CHD2: variants seen among roughly 807,000 people sequenced by gnomAD.
CHD2 encodes the protein chromodomain helicase DNA binding protein 2, also known as ATP-dependent chromatin remodeler CHD2.
CHD2 carries 28 observed loss-of-function variants against 243.9 expected under a neutral mutation model. The ratio of observed to expected loss-of-function variants is 0.11; its 90% CI spans 0.09 to 0.16. The LOEUF is 0.16. CHD2 is among the 10% of genes least tolerant of loss of function. The probability of loss-of-function intolerance (pLI) is 1.00; values close to 1 mark genes in which losing one functional copy is unlikely to be tolerated. For synonymous variants in CHD2, 775 were observed against 779.0 expected (o/e 0.99, Z 0.09); for missense variants, 1,386 against 2,209.8 (o/e 0.63, Z 7.47).
chr15:92,901,504 A>C, intron 2 of CHD2: 4 of 596,288 alleles, frequency 6.7e-6, no homozygotes, highest in Non-Finnish European at 1.2e-5. Flanking sequence ...TTGAGTTGTG[A>C]CTTAAGGCCT....
chr15:92,950,392 C>G (rs911192009), intron 13 of CHD2: 1 of 152,110 alleles, frequency 6.6e-6, no homozygotes, highest in African/African-American at 2.4e-5. Context: ...AACAGTGAAC[C>G]TATATAGATG....
At chr15:92,904,677 G>A in intron 2 of CHD2, 1 of 1,333,510 alleles carries the variant, frequency 7.5e-7, no homozygotes, top group South Asian at 1.7e-5. Flanking sequence ...AAAAGTGCAG[G>A]CACTATTTAT....
chr15:93,014,752 C>T lies in CHD2; in HGVS notation c.4749C>T (p.Ala1583=), dbSNP rs1183396141. 2 of 1,614,154 alleles carry T rather than the reference C, an allele frequency of 1.2e-6. No individual in the cohort carries two copies. The highest frequency in any genetic ancestry group is 3.3e-5 in the Admixed American group (2 of 60,024). Residue 1583 remains alanine, a synonymous_variant, in exon 37 of 39, where the codon GCC becomes GCT. Coordinates refer to ENST00000394196, the MANE Select transcript of CHD2 (RefSeq NM_001271.4). ...GTAAGAAACCATTTCGTCCAGAGGCCTCAGGCTCCAGCCGGGACTCTCTGA... is the reference window on the plus strand; with the variant it reads ...GTAAGAAACCATTTCGTCCAGAGGCTTCAGGCTCCAGCCGGGACTCTCTGA... ...TGGKKPFRPE[A]SGSSRDSLIS... is the part of the protein sequence containing the mutation.
At chr15:93,011,060 A>T (rs1018998793) in intron 35 of CHD2, among the ~76,000 whole-genome samples, 1 of 151,620 alleles carries the variant, frequency 6.6e-6, no homozygotes, top group African/African-American at 2.4e-5. Context: ...TTCTTTACCT[A>T]GCGGCATCTG....
chr15:93,003,428 G>A (rs2054282196), intron 33 of CHD2, among the ~76,000 whole-genome samples: 1 of 151,796 alleles, frequency 6.6e-6, no homozygotes, highest in African/African-American at 2.4e-5. Context: ...TAAATAACCT[G>A]TGCATTTGTG....
rs1373289061 is a variant in CHD2 at position 93,027,989 on chromosome 15, T to G, written c.*3284T>G. On this transcript the variant is annotated 3_prime_UTR_variant, in exon 39 of 39. Transcript: ENST00000394196. ...TATATTAAAAAGTGTTACTGAGCAT[T>G]TTTAGAATTGGGCTAACACGTTGCA... The G allele has an allele frequency of 6.6e-6, 1 of 152,652 alleles. No homozygotes were observed. Among genetic ancestry groups the G allele is most frequent in the Non-Finnish European group, 1.5e-5 (1 of 68,048 alleles). 9.5% of individuals were successfully genotyped at this position (152,652 alleles called of 1,614,324 possible).
intron 4 of CHD2, 44 bp downstream of exon 4, chr15:92,927,374 C>A: frequency 7.3e-7 from 1 of 1,373,216 alleles, no homozygotes; most frequent in Non-Finnish European, 1.0e-6. Context: ...AACTCCCTAT[C>A]TTACTTCATT....
Position 92,945,822 on chromosome 15 carries a change from T to C in CHD2, c.1155T>C (p.Ala385=), listed in dbSNP as rs374640261. 1.3e-6 allele frequency: 2 copies of C among 1,565,488 alleles called. No homozygotes were observed. Among genetic ancestry groups the C allele is most frequent in the Admixed American group, 1.9e-5 (1 of 53,306 alleles). ...KQYQIVERVI[A]VKTSKSTLGQ... is the part of the protein sequence containing the mutation. ...CTGTCTTATTTTTTATTTGTTTAGC[T>C]GTGAAGACAAGTAAATCTACATTGG... is the stretch of plus-strand genomic sequence containing the variant. The change falls in exon 11 of 39, where the codon GCT becomes GCC. Residue 385 remains alanine (A), a splice_region_variant and synonymous_variant. Coordinates refer to ENST00000394196, the MANE Select transcript of CHD2 (RefSeq NM_001271.4).
intron 17 of CHD2, among the ~76,000 whole-genome samples, chr15:92,969,372 A>G (rs2053810128): frequency 6.6e-6 from 1 of 152,254 alleles, no homozygotes; most frequent in African/African-American, 2.4e-5. Flanking sequence ...GTCCTCAGGC[A>G]TAGGCCCTTC....
Position 92,967,519 on chromosome 15 carries a change from T to C in CHD2, c.2189+6T>C. Reference sequence around the variant, plus strand: ...CTTCAGAAACAGTATTACAAGTAAGTTCTTGTTTGGGTTAGGCCTGAAGGG... The same window carrying C: ...CTTCAGAAACAGTATTACAAGTAAGCTCTTGTTTGGGTTAGGCCTGAAGGG... On this transcript the variant is annotated splice_donor_region_variant and intron_variant, in intron 17 of 38. Transcript: ENST00000394196. The C allele has an allele frequency of 1.2e-6, 2 of 1,613,166 alleles. No homozygotes were observed. Among genetic ancestry groups the C allele is most frequent in the Non-Finnish European group, 1.7e-6 (2 of 1,179,386 alleles).
At chr15:93,012,516 T>C in intron 36 of CHD2, 72 bp downstream of exon 36, 1 of 1,119,512 alleles carries the variant, frequency 8.9e-7, no homozygotes, top group South Asian at 1.4e-5. Flanking sequence ...TAATTTTTGT[T>C]TTTCCATGGG....
At chr15:92,904,992 G>A (rs7179364) in intron 2 of CHD2, 165,632 of 1,535,632 alleles carry the variant, frequency 0.11, 9,719 homozygotes, top group Middle Eastern at 0.24. Flanking sequence ...GTTGGCATTT[G>A]ATGGAGAAAA....
chr15:92,971,738 T>C (rs2053845042), intron 17 of CHD2, 27 bp from the exon 18 acceptor site: 1 of 1,602,790 alleles, frequency 6.2e-7, no homozygotes, highest in African/African-American at 1.3e-5. Context: ...TTGTATCTAG[T>C]AGTATCATTA....
chr15:92,978,018 T>C, intron 20 of CHD2: 2 of 556,924 alleles, frequency 3.6e-6, no homozygotes, highest in Admixed American at 2.8e-5. Flanking sequence ...TAGAGTCTAC[T>C]CTACTCCTGT....
At chr15:92,918,344 CTTGT>C (rs2052882960) in intron 2 of CHD2, among the ~76,000 whole-genome samples, 1 of 151,810 alleles carries the variant, frequency 6.6e-6, no homozygotes, top group African/African-American at 2.4e-5. Flanking sequence ...CCAGTTTTGA[CTTGT>C]TTTTTTATCT....
At chr15:92,950,816 A>G (rs971040366) in intron 13 of CHD2, among the ~76,000 whole-genome samples, 1 of 151,878 alleles carries the variant, frequency 6.6e-6, no homozygotes, top group Non-Finnish European at 1.5e-5. Context: ...GAAGCTTTCT[A>G]GTTATAGAGA....
chr15:92,915,091 T>C (rs2052809154), intron 2 of CHD2: 1 of 152,186 alleles, frequency 6.6e-6, no homozygotes, highest in African/African-American at 2.4e-5. Flanking sequence ...ATTAGTGGCC[T>C]TCCATAGATT....
chr15:92,955,554 G>A (rs769457289), intron 15 of CHD2, 42 bp downstream of exon 15: 5 of 1,270,004 alleles, frequency 3.9e-6, no homozygotes, highest in African/African-American at 1.5e-5. Context: ...TTTCCAGTGC[G>A]ACTTGTCCAG....
chr15:92,941,769 G>T (rs1052257898), intron 7 of CHD2, 53 bp from the exon 8 acceptor site: 2 of 1,574,126 alleles, frequency 1.3e-6, no homozygotes, highest in African/African-American at 1.4e-5. Flanking sequence ...ATGTGTGGCA[G>T]TTTAATTCTG....
Sources: gnomAD v4.1 joint callset for allele counts (sites outside exome capture counted in the v4.1 genomes callset) on GRCh38, gnomAD v4.1.1 for gene constraint, MANE v1.5 for transcripts, NCBI Gene and HGNC (gene_info 2026-07-23, HGNC 2026-07-21) for gene names.